Variants in IGFL2 observed in about 807,000 individuals in gnomAD.
IGFL2 encodes the protein IGF like family member 2.
A neutral mutation model predicts 13.9 loss-of-function variants in IGFL2; 7 were observed. That is an observed-to-expected ratio of 0.51 (90% confidence interval 0.29 to 0.95). The LOEUF (loss-of-function observed/expected upper bound fraction) is 0.95. Ranked by LOEUF, IGFL2 falls within the 40% of genes least tolerant of loss-of-function variation. The probability of loss-of-function intolerance (pLI) is 0.08; values close to 1 mark genes in which losing one functional copy is unlikely to be tolerated. For missense variants in IGFL2, 138 were observed against 147.8 expected (o/e 0.93, Z 0.34); for synonymous variants, 55 against 55.8 (o/e 0.99, Z 0.07).
the IGFL2 span, among the ~76,000 whole-genome samples, chr19:46,200,486 T>TTTCTTTTCTTTTCTC: frequency 6.8e-6 from 1 of 148,108 alleles, no homozygotes; most frequent in Middle Eastern, 3.5e-3. Context: ...TTTCTTTTCT[T>TTTCTTTTCTTTTCTC]TTCTTTTCTT....
At chr19:46,094,102 A>G in the IGFL2 span, among the ~76,000 whole-genome samples, 1 of 142,468 alleles carries the variant, frequency 7.0e-6, no homozygotes, top group Admixed American at 7.4e-5. Context: ...TAAAATGTGT[A>G]AGGAAAGGCC....
At chr19:46,182,751 A>G in the IGFL2 span, among the ~76,000 whole-genome samples, 1 of 152,116 alleles carries the variant, frequency 6.6e-6, no homozygotes, top group East Asian at 1.9e-4. Flanking sequence ...TACTGCCGTT[A>G]GTTTCTCCAT....
the IGFL2 span, chr19:46,196,995 C>T: frequency 2.0e-3 from 428 of 217,636 alleles, 1 homozygote; most frequent in African/African-American, 9.5e-3. Flanking sequence ...TGCCCTTCCA[C>T]CTGGACCTCA....
chr19:46,197,289 A>T, the IGFL2 span: 1 of 190,836 alleles, frequency 5.2e-6, no homozygotes, highest in Non-Finnish European at 1.1e-5. Context: ...GTCACAGGTG[A>T]GGTCCTGTCT....
the IGFL2 span, among the ~76,000 whole-genome samples, chr19:46,128,499 T>C: frequency 1.7e-4 from 26 of 152,356 alleles, no homozygotes; most frequent in Non-Finnish European, 3.2e-4. Context: ...ATGGCTCTTG[T>C]TATTTTGAAG....
In IGFL2 at chr19:46,152,552, G is replaced by A. The variant is rs150864724; in HGVS notation, c.19+4255G>A. 4.9e-3 allele frequency among the ~76,000 whole-genome samples: 752 copies of A among 152,244 alleles called. 4 individuals carry two copies. Among genetic ancestry groups the A allele is most frequent in the African/African-American group, 0.017 (716 of 41,544 alleles). On this transcript the variant is annotated intron_variant, in intron 1 of 3. Transcript: ENST00000377693. ...TCCCCACTTGGTCTCCCAAAATGCT[G>A]GGATTACAGGAGTGAGCCACTGTGC...
At chr19:46,101,396 A>T in the IGFL2 span, among the ~76,000 whole-genome samples, 1 of 152,196 alleles carries the variant, frequency 6.6e-6, no homozygotes, top group Admixed American at 6.5e-5. Flanking sequence ...GGAGATCAGA[A>T]TCTTTTCCCT....
At chr19:46,194,727 CAGG>C in the IGFL2 span, among the ~76,000 whole-genome samples, 2 of 151,056 alleles carry the variant, frequency 1.3e-5, no homozygotes, top group African/African-American at 4.9e-5. Flanking sequence ...AAGGCTGAGG[CAGG>C]AGAATCACTT....
chr19:46,179,299 G>T, the IGFL2 span, among the ~76,000 whole-genome samples: 2 of 150,828 alleles, frequency 1.3e-5, no homozygotes, highest in Admixed American at 6.6e-5. Context: ...GTCTGTGAGA[G>T]GCAGGGCTGC....
the IGFL2 span, among the ~76,000 whole-genome samples, chr19:46,201,702 G>C: frequency 6.6e-6 from 1 of 152,140 alleles, no homozygotes; most frequent in African/African-American, 2.4e-5. Context: ...GCCAGGGAGG[G>C]AGTAAAAGTG....
chr19:46,201,680 G>A, the IGFL2 span, among the ~76,000 whole-genome samples: 1 of 152,128 alleles, frequency 6.6e-6, no homozygotes, highest in Non-Finnish European at 1.5e-5. Context: ...AGTAACGGGC[G>A]TGTGATTGGT....
chr19:46,178,092 C>T, the IGFL2 span, among the ~76,000 whole-genome samples: 1 of 152,080 alleles, frequency 6.6e-6, no homozygotes, highest in Non-Finnish European at 1.5e-5. Context: ...GCCTGACCAA[C>T]ATGATGAAAC....
chr19:46,091,380 C>T, the IGFL2 span, among the ~76,000 whole-genome samples: 1 of 152,176 alleles, frequency 6.6e-6, no homozygotes, highest in Non-Finnish European at 1.5e-5. Flanking sequence ...CTTAGAATGT[C>T]TTCAGTTCTG....
the IGFL2 span, among the ~76,000 whole-genome samples, chr19:46,176,009 A>ATTTTTTTT: frequency 2.8e-5 from 2 of 71,894 alleles, no homozygotes; most frequent in Non-Finnish European, 2.5e-5. Flanking sequence ...CGCCCGACTA[A>ATTTTTTTT]TTTTTTTTTT....
At chr19:46,120,286 C>T in the IGFL2 span, 2 of 1,609,726 alleles carry the variant, frequency 1.2e-6, no homozygotes, top group Non-Finnish European at 1.7e-6. Context: ...GCTGCTTCGT[C>T]TCTTCTCCCC....
chr19:46,142,111 G>A (rs1422729896), upstream of IGFL2, among the ~76,000 whole-genome samples: 1 of 152,094 alleles, frequency 6.6e-6, no homozygotes, highest in Non-Finnish European at 1.5e-5. Context: ...TAACCTCTCT[G>A]AGCTACAGTT....
At chr19:46,134,493 T>G in the IGFL2 span, among the ~76,000 whole-genome samples, 1 of 152,194 alleles carries the variant, frequency 6.6e-6, no homozygotes, top group Non-Finnish European at 1.5e-5. Flanking sequence ...TACTGTAGAA[T>G]CAGTGGGAGC....
chr19:46,119,774 C>T, the IGFL2 span, among the ~76,000 whole-genome samples: 2 of 128,574 alleles, frequency 1.6e-5, 1 homozygote, highest in South Asian at 5.6e-4. Flanking sequence ...CTGTAGTGCT[C>T]AATTGCTCAC....
the IGFL2 span, chr19:46,198,054 C>T: frequency 3.2e-5 from 4 of 124,470 alleles, no homozygotes; most frequent in Admixed American, 2.6e-4. Context: ...TGCCTTCCTT[C>T]CTTCCTTTCC....
Sources: allele counts gnomAD v4.1 joint callset (sites outside exome capture counted in the v4.1 genomes callset), GRCh38; gene constraint gnomAD v4.1.1; transcripts MANE v1.5; gene names NCBI Gene and HGNC (gene_info 2026-07-23, HGNC 2026-07-21).